Variants in MYO10 observed in about 807,000 individuals in gnomAD.
MYO10 encodes unconventional myosin-X.
Under a neutral mutation model 257.3 loss-of-function variants are expected in MYO10, and 133 were observed. That is an observed-to-expected ratio of 0.52 (90% CI 0.45 to 0.60). The LOEUF is 0.60. Among genes scored for constraint, MYO10 ranks in the 20% least tolerant of loss-of-function variants. The pLI, the probability that MYO10 is intolerant of heterozygous loss-of-function variation, is 0.00. For synonymous variants in MYO10, 1,104 were observed against 1,028.6 expected (o/e 1.07, Z -1.40); for missense variants, 2,399 against 2,635.7 (o/e 0.91, Z 1.97).
intron 2 of MYO10, among the ~76,000 whole-genome samples, chr5:16,827,390 A>G (rs7449080): frequency 0.016 from 2,467 of 152,140 alleles, 55 homozygotes; most frequent in African/African-American, 0.056. Context: ...GGGTTCAAGC[A>G]ATTCTCCTGG....
chr5:16,677,921 C>G (rs1241589487), intron 33 of MYO10, among the ~76,000 whole-genome samples: 1 of 152,032 alleles, frequency 6.6e-6, no homozygotes, highest in Non-Finnish European at 1.5e-5. Context: ...CCACCATGCC[C>G]AGCTAACTTT....
In MYO10 at chr5:16,758,206, A is replaced by C; in HGVS notation, c.1760T>G (p.Leu587Arg). Residue 587 changes from leucine to arginine, a missense_variant, in exon 18 of 41, where the codon CTT (leucine) becomes CGT (arginine). By Grantham distance (102) the Leu-to-Arg change is moderately radical. Around this residue, in one of 3 missense-constraint regions of MYO10, gnomAD observed 1,820 missense variants for 1,939.4 expected, o/e 0.94. Transcript: ENST00000513610. ...GTTGCGGCTTGAAACATGTTCAAAA[A>C]GATCGTAGATAAAGTCAAATCTGTG... ...RESRFDFIYD[L>R]FEHVSSRNNQ... The C allele has an allele frequency of 1.9e-6, 3 of 1,612,648 alleles. No individual in the cohort carries two copies. The highest frequency in any genetic ancestry group is 2.5e-6 in the Non-Finnish European group (3 of 1,178,654).
intron 1 of MYO10, among the ~76,000 whole-genome samples, chr5:16,887,793 A>G (rs551981256): frequency 1.3e-5 from 2 of 152,234 alleles, no homozygotes; most frequent in East Asian, 1.9e-4. Flanking sequence ...GTCTGGCCTC[A>G]GTCCTGAGTT....
intron 2 of MYO10, among the ~76,000 whole-genome samples, chr5:16,820,897 A>G (rs1328365763): frequency 4.7e-5 from 7 of 148,582 alleles, no homozygotes; most frequent in Non-Finnish European, 7.4e-5. Context: ...TATGTAATAC[A>G]TATATCTTAT....
chr5:16,672,963 G>T, intron 36 of MYO10, 138 bp from the exon 37 acceptor site: 1 of 926,742 alleles, frequency 1.1e-6, no homozygotes, highest in East Asian at 2.7e-5. Context: ...TTACCCGTGT[G>T]GTCATCCCAG....
At position 16,780,613 on chromosome 5, in the gene MYO10, G is replaced by A. The variant is rs1287439144; in HGVS notation, c.742-5C>T. 2 of 1,569,864 alleles carry A rather than the reference G, an allele frequency of 1.3e-6. No individual in the cohort carries two copies. The highest frequency in any genetic ancestry group is 1.9e-5 in the Admixed American group (1 of 53,438). ...ATTTTGCCTTACTACTCGGTTCTGG[G>A]AAGATAAATCAGATTTATATTCAGA... On this transcript the variant is annotated splice_region_variant and splice_polypyrimidine_tract_variant and intron_variant, in intron 7 of 40. Coordinates refer to ENST00000513610, the MANE Select transcript of MYO10 (RefSeq NM_012334.3).
intron 2 of MYO10, among the ~76,000 whole-genome samples, chr5:16,849,856 A>G (rs897853908): frequency 6.6e-6 from 1 of 152,210 alleles, no homozygotes; most frequent in African/African-American, 2.4e-5. Context: ...CAACCCATAC[A>G]AAAGAAATTA....
At chr5:16,890,577 C>T (rs746959127) in intron 1 of MYO10, among the ~76,000 whole-genome samples, 3 of 151,672 alleles carry the variant, frequency 2.0e-5, no homozygotes, top group African/African-American at 7.3e-5. Context: ...TGGTGGCTCA[C>T]GCTTGTAATC....
chr5:16,879,007 AG>A (rs1744688742), intron 1 of MYO10, among the ~76,000 whole-genome samples: 1 of 152,046 alleles, frequency 6.6e-6, no homozygotes, highest in Non-Finnish European at 1.5e-5. Context: ...AGAAAAAAAA[AG>A]AATTACTTTT....
At chr5:16,742,581 A>C (rs1417827028) in intron 19 of MYO10, among the ~76,000 whole-genome samples, 2 of 152,110 alleles carry the variant, frequency 1.3e-5, no homozygotes, top group Non-Finnish European at 2.9e-5. Flanking sequence ...GCACTTCGGG[A>C]GGCCTAGGTG....
chr5:16,819,788 T>G (rs941876529), intron 2 of MYO10, among the ~76,000 whole-genome samples: 21 of 152,178 alleles, frequency 1.4e-4, no homozygotes, highest in African/African-American at 5.1e-4. Flanking sequence ...AATCCAATGG[T>G]TTTTTTTCAT....
chr5:16,861,675 G>C (rs936360411), intron 2 of MYO10, among the ~76,000 whole-genome samples: 2 of 152,178 alleles, frequency 1.3e-5, no homozygotes, highest in African/African-American at 2.4e-5. Context: ...AAATGTCATT[G>C]CAAGAAAGCG....
rs1178796616 is a variant in MYO10 at position 16,818,410 on chromosome 5, G to GTA, written c.121-245_121-244dup. On this transcript the variant is annotated intron_variant, in intron 2 of 40. Transcript: ENST00000513610. ...TGTGTGTGTGTGTGTGTGTGTGTGT[G>GTA]TATATATATATATATACACATATCT... is the stretch of plus-strand genomic sequence containing the variant. Among the ~76,000 whole-genome samples the GTA allele has an allele frequency of 6.6e-4, 60 of 90,354 alleles. 1 individual carries two copies. The highest frequency in any genetic ancestry group is 2.3e-3 in the African/African-American group (54 of 23,254). 59.3% of individuals were successfully genotyped at this position (90,354 alleles called of 152,430 possible).
intron 1 of MYO10, among the ~76,000 whole-genome samples, chr5:16,888,200 C>CAGGCACT (rs1744945968): frequency 6.6e-6 from 1 of 152,012 alleles, no homozygotes; most frequent in African/African-American, 2.4e-5. Context: ...AATCATATAC[C>CAGGCACT]AGGCACTAGG....
At chr5:16,817,399 A>AT (rs1742657292) in intron 3 of MYO10, among the ~76,000 whole-genome samples, 3 of 152,376 alleles carry the variant, frequency 2.0e-5, no homozygotes, top group East Asian at 3.9e-4. Context: ...TCAAAAATTT[A>AT]TAACAAGTGA....
intron 3 of MYO10, among the ~76,000 whole-genome samples, chr5:16,810,884 G>A (rs1304312863): frequency 3.9e-5 from 6 of 152,054 alleles, no homozygotes; most frequent in South Asian, 2.1e-4. Context: ...CCTGGCCAAC[G>A]TGGTGAAACC....
At chr5:16,704,216 T>G (rs1168214116) in intron 22 of MYO10, among the ~76,000 whole-genome samples, 1 of 151,962 alleles carries the variant, frequency 6.6e-6, no homozygotes, top group East Asian at 1.9e-4. Flanking sequence ...TCCCAACTAC[T>G]TGGGAGTCTG....
At chr5:16,753,465 C>CTACTGTGGTTCTTATAAGCATA (rs1455886238) in intron 19 of MYO10, among the ~76,000 whole-genome samples, 4 of 137,218 alleles carry the variant, frequency 2.9e-5, no homozygotes, top group Admixed American at 7.4e-5. Context: ...CCGTGCCCGG[C>CTACTGTGGTTCTTATAAGCATA]CTTTTTTTTT....
intron 28 of MYO10, among the ~76,000 whole-genome samples, chr5:16,687,644 A>AATCT (rs1263934018): frequency 6.6e-6 from 1 of 151,954 alleles, no homozygotes; most frequent in East Asian, 1.9e-4. Flanking sequence ...AAAGCACTAA[A>AATCT]ATCTATCTCG....
Sources: gnomAD v4.1 joint callset for allele counts (sites outside exome capture counted in the v4.1 genomes callset) on GRCh38, gnomAD v4.1.1 for gene constraint, gnomAD v4.1.1 regional missense constraint, MANE v1.5 for transcripts, NCBI Gene and HGNC (gene_info 2026-07-23, HGNC 2026-07-21) for gene names.